NELL1: variants seen among roughly 807,000 people sequenced by gnomAD.
NELL1 encodes protein kinase C-binding protein NELL1.
A neutral mutation model predicts 107.4 loss-of-function variants in NELL1; 76 were observed. The ratio of observed to expected loss-of-function variants is 0.71; its 90% CI spans 0.59 to 0.86. NELL1 has a LOEUF of 0.86. Among genes scored for constraint, NELL1 ranks in the 40% least tolerant of loss-of-function variants. The probability of loss-of-function intolerance (pLI) is 0.00; values close to 1 mark genes in which losing one functional copy is unlikely to be tolerated. For missense variants in NELL1, 1,024 were observed against 1,005.5 expected, an observed-to-expected ratio of 1.02 and a Z score of -0.25; for synonymous variants, 353 against 341.2, an observed-to-expected ratio of 1.03 and a Z score of -0.38.
At chr11:21,563,115 C>A (rs1214510859) in intron 17 of NELL1, among the ~76,000 whole-genome samples, 1 of 152,018 alleles carries the variant, frequency 6.6e-6, no homozygotes, top group African/African-American at 2.4e-5. Context: ...ATTATTTAGA[C>A]CACAGGAACC....
chr11:21,495,815 A>G (rs1398287328), intron 15 of NELL1, among the ~76,000 whole-genome samples: 1 of 152,074 alleles, frequency 6.6e-6, no homozygotes, highest in African/African-American at 2.4e-5. Flanking sequence ...TTCTTTGGAG[A>G]AATGTCTGTT....
rs1857143517 is a variant in NELL1 at position 21,573,169 on chromosome 11, T to G, written c.2158-16T>G. The G allele has an allele frequency of 2.5e-6, 4 of 1,598,360 alleles. No individual in the cohort carries two copies. Among genetic ancestry groups the G allele is most frequent in the Non-Finnish European group, 3.4e-6 (4 of 1,167,064 alleles). ...ATAGGAACAATAATGAGACATTTTT[T>G]GCTTTTCCTCTACAGGAAGGAGAGG... On this transcript the variant is annotated splice_polypyrimidine_tract_variant and intron_variant, in intron 18 of 19. Coordinates refer to ENST00000357134, the MANE Select transcript of NELL1 (RefSeq NM_006157.5).
chr11:20,725,134 A>T (rs1404571117), intron 2 of NELL1, among the ~76,000 whole-genome samples: 1 of 152,208 alleles, frequency 6.6e-6, no homozygotes, highest in Non-Finnish European at 1.5e-5. Flanking sequence ...GAGCCAAATT[A>T]TATCTGTCTC....
intron 12 of NELL1, among the ~76,000 whole-genome samples, chr11:21,074,934 T>A (rs1232685766): frequency 6.6e-6 from 1 of 152,288 alleles, no homozygotes. Flanking sequence ...GAGAATTCTC[T>A]GAGGTTGAAT....
At chr11:21,572,938 G>T (rs994902427) in intron 18 of NELL1, among the ~76,000 whole-genome samples, 4 of 151,858 alleles carry the variant, frequency 2.6e-5, no homozygotes, top group Non-Finnish European at 4.4e-5. Context: ...TATAGGCTGT[G>T]CTTGGCACAC....
chr11:21,146,983 G>T (rs1855995556), intron 13 of NELL1, among the ~76,000 whole-genome samples: 1 of 152,194 alleles, frequency 6.6e-6, no homozygotes, highest in African/African-American at 2.4e-5. Flanking sequence ...GGCAGAGGTT[G>T]CAGTGAGCCA....
chr11:20,919,126 T>C, intron 6 of NELL1, 126 bp from the exon 7 acceptor site: 1 of 459,264 alleles, frequency 2.2e-6, no homozygotes, highest in South Asian at 5.2e-5. Flanking sequence ...CACTCAAATT[T>C]CAAAGCAATG....
At chr11:21,257,265 G>A (rs1858793395) in intron 14 of NELL1, among the ~76,000 whole-genome samples, 1 of 151,974 alleles carries the variant, frequency 6.6e-6, no homozygotes, top group South Asian at 2.1e-4. Context: ...CACTAAGTGG[G>A]CATTCTGAAG....
intron 1 of NELL1, among the ~76,000 whole-genome samples, chr11:20,676,152 C>A (rs753321651): frequency 3.5e-4 from 54 of 152,176 alleles, no homozygotes; most frequent in African/African-American, 1.3e-3. Flanking sequence ...TTTGCATGCA[C>A]CCTTCTCTGC....
At chr11:21,406,396 T>C (rs1852237151) in intron 15 of NELL1, among the ~76,000 whole-genome samples, 1 of 107,738 alleles carries the variant, frequency 9.3e-6, no homozygotes, top group Admixed American at 9.0e-5. Context: ...TTCCTGAATT[T>C]TCCAATAATA....
At chr11:21,507,147 G>A (rs1855300506) in intron 15 of NELL1, among the ~76,000 whole-genome samples, 1 of 152,144 alleles carries the variant, frequency 6.6e-6, no homozygotes, top group Non-Finnish European at 1.5e-5. Flanking sequence ...CAAGACTGCT[G>A]AACTCCTTCA....
intron 2 of NELL1, among the ~76,000 whole-genome samples, chr11:20,766,743 T>A (rs966740961): frequency 2.6e-5 from 4 of 151,038 alleles, no homozygotes; most frequent in Non-Finnish European, 4.4e-5. Context: ...TTGACATATT[T>A]TTTTTTTTTT....
chr11:21,292,714 A>G (rs1849298036), intron 14 of NELL1, among the ~76,000 whole-genome samples: 1 of 152,230 alleles, frequency 6.6e-6, no homozygotes. Context: ...ACATCATGGT[A>G]CTGATACCAA....
In NELL1 at chr11:21,363,029, C is replaced by T. The variant is rs902758566; in HGVS notation, c.1550-7824C>T. The stretch of plus-strand genomic sequence containing the variant: ...CCAGTCTCACTCCCGCAGTGCTCTG[C>T]TCAGGCCTTGCCCCAGGCCATGAGC... On this transcript the variant is annotated intron_variant, in intron 14 of 19. Coordinates refer to ENST00000357134, the MANE Select transcript of NELL1 (RefSeq NM_006157.5). Among the ~76,000 whole-genome samples the T allele has an allele frequency of 6.6e-5, 10 of 152,004 alleles. No homozygotes were observed. In the South Asian group the frequency reaches 1.3e-3, roughly 19 times the overall value.
intron 2 of NELL1, among the ~76,000 whole-genome samples, chr11:20,722,316 C>T (rs754925164): frequency 7.9e-5 from 12 of 152,116 alleles, no homozygotes; most frequent in East Asian, 1.9e-4. Flanking sequence ...CCACCATGCC[C>T]GGCCCTGAGT....
chr11:21,097,130 C>T (rs950298590), intron 12 of NELL1, among the ~76,000 whole-genome samples: 3 of 152,106 alleles, frequency 2.0e-5, no homozygotes, highest in Non-Finnish European at 4.4e-5. Flanking sequence ...ACTCTCACTC[C>T]ACTCATCAAC....
At chr11:20,862,581 C>T (rs1848997440) in intron 4 of NELL1, among the ~76,000 whole-genome samples, 1 of 149,248 alleles carries the variant, frequency 6.7e-6, no homozygotes, top group Non-Finnish European at 1.5e-5. Flanking sequence ...AGTTTCACTG[C>T]CCTAAAAATC....
At chr11:21,118,556 G>C (rs1364980536) in intron 13 of NELL1, among the ~76,000 whole-genome samples, 1 of 152,072 alleles carries the variant, frequency 6.6e-6, no homozygotes, top group African/African-American at 2.4e-5. Context: ...TGAGGTGTAT[G>C]ATAGATATCT....
chr11:20,949,699 A>G (rs1161636682), intron 11 of NELL1, among the ~76,000 whole-genome samples: 2 of 152,180 alleles, frequency 1.3e-5, no homozygotes, highest in Non-Finnish European at 2.9e-5. Context: ...TCCATTACCA[A>G]TGAAGATGCT....
Sources: allele counts gnomAD v4.1 joint callset (sites outside exome capture counted in the v4.1 genomes callset), GRCh38; gene constraint gnomAD v4.1.1; transcripts MANE v1.5; gene names NCBI Gene and HGNC (gene_info 2026-07-23, HGNC 2026-07-21).